The following CNTNAP2 variants were observed in gnomAD, a reference collection of about 807,000 sequenced individuals.
CNTNAP2 encodes contactin associated protein 2.
CNTNAP2 carries 98 observed loss-of-function variants against 155.2 expected under a neutral mutation model. The observed-to-expected ratio is 0.63, with a 90% CI of 0.54 to 0.75. The LOEUF (loss-of-function observed/expected upper bound fraction) is 0.75, where lower values mean the gene tolerates loss of function less well. Among genes scored for constraint, CNTNAP2 ranks in the 30% least tolerant of loss-of-function variants. CNTNAP2 has a pLI of 0.00. For missense variants in CNTNAP2, 1,727 were observed against 1,688.1 expected (o/e 1.02, Z -0.40); for synonymous variants, 651 against 631.2 (o/e 1.03, Z -0.47).
chr7:146,341,272 G>A (rs1794719583), intron 1 of CNTNAP2, among the ~76,000 whole-genome samples: 1 of 152,064 alleles, frequency 6.6e-6, no homozygotes, highest in Non-Finnish European at 1.5e-5. Context: ...AATTTGTTAA[G>A]TAACAAATTT....
intron 1 of CNTNAP2, among the ~76,000 whole-genome samples, chr7:146,579,857 T>C (rs905011768): frequency 5.9e-5 from 9 of 152,114 alleles, no homozygotes; most frequent in African/African-American, 2.2e-4. Context: ...TTTCTTAGTG[T>C]ACATAATATT....
intron 11 of CNTNAP2, among the ~76,000 whole-genome samples, chr7:147,559,905 T>C (rs1169435033): frequency 6.7e-6 from 1 of 149,344 alleles, no homozygotes; most frequent in East Asian, 2.0e-4. Flanking sequence ...GTGCAGTGGC[T>C]CACGCCTATA....
At chr7:146,965,133 G>T (rs1339996328) in intron 3 of CNTNAP2, among the ~76,000 whole-genome samples, 2 of 152,160 alleles carry the variant, frequency 1.3e-5, no homozygotes, top group African/African-American at 4.8e-5. Context: ...GGAAGGTGGG[G>T]TCCATGTGTA....
At chr7:148,013,705 A>G (rs1279554857) in intron 15 of CNTNAP2, among the ~76,000 whole-genome samples, 1 of 152,226 alleles carries the variant, frequency 6.6e-6, no homozygotes, top group Non-Finnish European at 1.5e-5. Context: ...TCCATGACTT[A>G]CACACCCTGC....
chr7:146,605,440 C>A (rs1799030690), intron 1 of CNTNAP2, among the ~76,000 whole-genome samples: 1 of 148,102 alleles, frequency 6.8e-6, no homozygotes, highest in African/African-American at 2.5e-5. Flanking sequence ...CCTAGTACCT[C>A]AACTGTATTA....
At chr7:147,841,671 A>G (rs895229060) in intron 13 of CNTNAP2, among the ~76,000 whole-genome samples, 3 of 152,232 alleles carry the variant, frequency 2.0e-5, no homozygotes, top group African/African-American at 7.2e-5. Context: ...TGATTAAGAG[A>G]TTGTTTGAAC....
At chr7:147,861,058 T>C (rs568914059) in intron 13 of CNTNAP2, among the ~76,000 whole-genome samples, 58 of 152,348 alleles carry the variant, frequency 3.8e-4, no homozygotes, top group African/African-American at 1.3e-3. Flanking sequence ...CAGCTGCTTT[T>C]CTTGTAGGTG....
chr7:147,446,581 C>G (rs188299093), intron 10 of CNTNAP2, among the ~76,000 whole-genome samples: 1,826 of 152,244 alleles, frequency 0.012, 23 homozygotes, highest in South Asian at 0.054. Context: ...GCGAGAGGAC[C>G]TAACTGTTGT....
rs75375328 is a variant in CNTNAP2 at position 148,230,677 on chromosome 7, T to G, written c.3381+898T>G. On this transcript the variant is annotated intron_variant, in intron 20 of 23. Coordinates refer to ENST00000361727, the MANE Select transcript of CNTNAP2 (RefSeq NM_014141.6). ...TTTTGAGCACTGGTGGATGTCAGAT[T>G]CATAACTTGATATGGAGTTTGCGCG... Among the ~76,000 whole-genome samples the G allele has an allele frequency of 3.2e-3, 482 of 152,300 alleles. 3 individuals are homozygous for G. The highest frequency in any genetic ancestry group is 5.2e-3 in the Non-Finnish European group (355 of 68,028).
chr7:146,172,927 G>T (rs887317488), intron 1 of CNTNAP2, among the ~76,000 whole-genome samples: 1 of 152,150 alleles, frequency 6.6e-6, no homozygotes, highest in Non-Finnish European at 1.5e-5. Flanking sequence ...AACCTGAGAG[G>T]TCCTGAAGTA....
chr7:147,256,358 A>T (rs1246828537), intron 8 of CNTNAP2, among the ~76,000 whole-genome samples: 1 of 152,108 alleles, frequency 6.6e-6, no homozygotes, highest in Non-Finnish European at 1.5e-5. Context: ...TGAGAGCTAC[A>T]CTTGAAGGGG....
chr7:147,788,023 T>G (rs891852059), intron 13 of CNTNAP2, among the ~76,000 whole-genome samples: 1 of 152,192 alleles, frequency 6.6e-6, no homozygotes, highest in African/African-American at 2.4e-5. Context: ...GTTTATAAGG[T>G]GGACTGATTT....
At chr7:147,299,123 T>C (rs1006140284) in intron 8 of CNTNAP2, among the ~76,000 whole-genome samples, 9 of 152,102 alleles carry the variant, frequency 5.9e-5, no homozygotes, top group Admixed American at 5.2e-4. Flanking sequence ...TAGCACAAAA[T>C]ACCCCCCACC....
chr7:146,886,256 A>AT (rs1182004181), intron 3 of CNTNAP2, among the ~76,000 whole-genome samples: 1 of 145,190 alleles, frequency 6.9e-6, no homozygotes, highest in Non-Finnish European at 1.5e-5. Flanking sequence ...TATGCTATCA[A>AT]TTTTTTGTTC....
intron 9 of CNTNAP2, among the ~76,000 whole-genome samples, chr7:147,327,974 A>C (rs1035730298): frequency 6.6e-6 from 1 of 152,170 alleles, no homozygotes; most frequent in Non-Finnish European, 1.5e-5. Context: ...AACTGTGTAA[A>C]AAAAAAATCA....
intron 13 of CNTNAP2, among the ~76,000 whole-genome samples, chr7:147,884,219 C>T (rs567735395): frequency 1.3e-5 from 2 of 152,074 alleles, no homozygotes; most frequent in East Asian, 1.9e-4. Flanking sequence ...GCTGGAACAG[C>T]GTGAGCAAAA....
intron 1 of CNTNAP2, among the ~76,000 whole-genome samples, chr7:146,726,881 T>C (rs1455028855): frequency 6.6e-6 from 1 of 152,172 alleles, no homozygotes; most frequent in Non-Finnish European, 1.5e-5. Context: ...ATTCAAAATA[T>C]ATTATTTCTC....
chr7:146,327,186 TA>T (rs1801111858), intron 1 of CNTNAP2, among the ~76,000 whole-genome samples: 1 of 152,186 alleles, frequency 6.6e-6, no homozygotes, highest in South Asian at 2.1e-4. Flanking sequence ...ATTTAATATT[TA>T]TAGGACTCCA....
At chr7:148,105,465 T>C (rs1416134043) in intron 15 of CNTNAP2, among the ~76,000 whole-genome samples, 2 of 152,240 alleles carry the variant, frequency 1.3e-5, no homozygotes, top group Non-Finnish European at 2.9e-5. Context: ...AAAGCAGGCC[T>C]ATGCTTACTA....
Sources: gnomAD v4.1 joint callset for allele counts (sites outside exome capture counted in the v4.1 genomes callset) on GRCh38, gnomAD v4.1.1 for gene constraint, MANE v1.5 for transcripts, NCBI Gene and HGNC (gene_info 2026-07-23, HGNC 2026-07-21) for gene names.